The following RBFOX1 variants were observed in gnomAD, a reference collection of about 807,000 sequenced individuals.
RBFOX1 encodes RNA binding fox-1 homolog 1, also known as RNA binding protein fox-1 homolog 1.
A neutral mutation model predicts 57.7 loss-of-function variants in RBFOX1; 8 were observed. That is an observed-to-expected ratio of 0.14 (90% CI 0.08 to 0.25). The LOEUF is 0.25. RBFOX1 is among the 10% of genes least tolerant of loss of function. RBFOX1 has a pLI of 1.00. For missense variants in RBFOX1, 611 were observed against 548.5 expected (o/e 1.11, Z -1.14); for synonymous variants, 326 against 222.4 (o/e 1.47, Z -4.15).
intron 2 of RBFOX1, among the ~76,000 whole-genome samples, chr16:6,557,199 G>A (rs2097117222): frequency 6.8e-6 from 1 of 147,186 alleles, no homozygotes; most frequent in Non-Finnish European, 1.5e-5. Flanking sequence ...TAAAAAAGTG[G>A]GAAAGAACAA....
intron 3 of RBFOX1, among the ~76,000 whole-genome samples, chr16:6,658,233 A>C (rs2098674489): frequency 6.6e-6 from 1 of 151,246 alleles, no homozygotes; most frequent in South Asian, 2.1e-4. Context: ...ACAGTGGAAG[A>C]GAGCCTTCAT....
intron 1 of RBFOX1, among the ~76,000 whole-genome samples, chr16:6,113,707 C>T (rs1336401983): frequency 1.3e-5 from 2 of 152,246 alleles, no homozygotes; most frequent in Non-Finnish European, 2.9e-5. Context: ...GGACCTTGGG[C>T]TTCACCCACA....
chr16:6,665,480 C>T (rs912587401), intron 3 of RBFOX1, among the ~76,000 whole-genome samples: 9 of 152,094 alleles, frequency 5.9e-5, no homozygotes, highest in Admixed American at 5.2e-4. Context: ...AAAATATTAG[C>T]CAGGCATAGT....
At chr16:7,004,375 G>C (rs2093114985) in intron 3 of RBFOX1, among the ~76,000 whole-genome samples, 4 of 152,126 alleles carry the variant, frequency 2.6e-5, no homozygotes, top group Admixed American at 2.0e-4. Context: ...CATGGCATCA[G>C]ATTCTTTGTC....
intron 4 of RBFOX1, among the ~76,000 whole-genome samples, chr16:7,464,688 C>CTTTT (rs57553411): frequency 4.8e-5 from 3 of 62,232 alleles, no homozygotes; most frequent in African/African-American, 2.1e-4. Flanking sequence ...TATTGTCTGT[C>CTTTT]TTTTTTTTTT....
At chr16:6,589,310 C>G (rs1488295725) in intron 2 of RBFOX1, among the ~76,000 whole-genome samples, 1 of 152,180 alleles carries the variant, frequency 6.6e-6, no homozygotes. Flanking sequence ...GTGTAATTCA[C>G]CCAGAGCCAG....
At chr16:5,634,816 A>G (rs751992819) in intron 3 of RBFOX1, among the ~76,000 whole-genome samples, 2 of 152,212 alleles carry the variant, frequency 1.3e-5, no homozygotes, top group Non-Finnish European at 2.9e-5. Flanking sequence ...GGGGGAAATT[A>G]CCATCAGCTC....
intron 3 of RBFOX1, among the ~76,000 whole-genome samples, chr16:7,031,974 A>G (rs1163068827): frequency 1.3e-5 from 2 of 152,156 alleles, no homozygotes; most frequent in South Asian, 2.1e-4. Context: ...TATTTGAAGC[A>G]TTTGTTACTG....
intron 4 of RBFOX1, among the ~76,000 whole-genome samples, chr16:7,444,157 T>G (rs2098791218): frequency 6.6e-6 from 1 of 152,242 alleles, no homozygotes; most frequent in Non-Finnish European, 1.5e-5. Context: ...GCTAGGGTTA[T>G]TAGTTCAGAT....
chr16:6,847,300 G>C (rs2093808061), intron 3 of RBFOX1, among the ~76,000 whole-genome samples: 1 of 152,116 alleles, frequency 6.6e-6, no homozygotes, highest in Non-Finnish European at 1.5e-5. Flanking sequence ...TGCTCATTTG[G>C]ACAGCTCTGC....
intron 1 of RBFOX1, among the ~76,000 whole-genome samples, chr16:6,066,888 G>C (rs1173593266): frequency 1.3e-5 from 2 of 152,044 alleles, no homozygotes; most frequent in African/African-American, 2.4e-5. Flanking sequence ...AGACTTAACA[G>C]GCTGCATTTG....
chr16:5,532,448 C>G (rs546580766), intron 2 of RBFOX1, among the ~76,000 whole-genome samples: 4 of 152,332 alleles, frequency 2.6e-5, no homozygotes, highest in Admixed American at 2.6e-4. Context: ...ACTCACTGAT[C>G]TGAACCTGCA....
intron 2 of RBFOX1, among the ~76,000 whole-genome samples, chr16:6,616,245 C>T (rs1259687217): frequency 6.6e-6 from 1 of 152,178 alleles, no homozygotes; most frequent in African/African-American, 2.4e-5. Context: ...TCATATTCTC[C>T]TGTCCTTTAA....
chr16:6,992,894 A>C (rs2091727253), intron 3 of RBFOX1, among the ~76,000 whole-genome samples: 1 of 151,260 alleles, frequency 6.6e-6, no homozygotes, highest in South Asian at 2.1e-4. Context: ...CCACCGCCCA[A>C]GCACGGTGTC....
chr16:6,963,887 A>G (rs1271055907), intron 3 of RBFOX1, among the ~76,000 whole-genome samples: 2 of 151,846 alleles, frequency 1.3e-5, no homozygotes, highest in Admixed American at 1.3e-4. Context: ...TTTAGTAGAG[A>G]TGGGATTTCA....
chr16:7,023,564 T>TAAAAAAAAAAAAAAAAAGAAAAAAAA (rs2039957710), intron 3 of RBFOX1, among the ~76,000 whole-genome samples: 1 of 43,916 alleles, frequency 2.3e-5, no homozygotes, highest in Non-Finnish European at 4.1e-5. Context: ...TCGTCTGTAC[T>TAAAAAAAAAAAAAAAAAGAAAAAAAA]AAAAAAAAAA....
intron 1 of RBFOX1, among the ~76,000 whole-genome samples, chr16:5,434,920 A>C (rs1396119737): frequency 6.6e-6 from 1 of 152,204 alleles, no homozygotes; most frequent in African/African-American, 2.4e-5. Flanking sequence ...AAAAAAATTT[A>C]AGGCTGTAGC....
intron 3 of RBFOX1, among the ~76,000 whole-genome samples, chr16:7,039,528 AATTG>A (rs1341271428): frequency 2.0e-5 from 3 of 152,076 alleles, no homozygotes. Context: ...TTACTTTTTT[AATTG>A]ATTATTTCTC....
At chr16:6,793,249 C>G (rs559210603) in intron 3 of RBFOX1, among the ~76,000 whole-genome samples, 11 of 152,154 alleles carry the variant, frequency 7.2e-5, no homozygotes, top group African/African-American at 2.7e-4. Flanking sequence ...TTCCAGTAGA[C>G]CGATTGGAGG....
Sources: gnomAD v4.1 joint callset for allele counts (sites outside exome capture counted in the v4.1 genomes callset) on GRCh38, gnomAD v4.1.1 for gene constraint, MANE v1.5 for transcripts, NCBI Gene and HGNC (gene_info 2026-07-23, HGNC 2026-07-21) for gene names.